The following SPAG16 variants were observed in gnomAD, a reference collection of about 807,000 sequenced individuals.
The protein encoded by SPAG16 is sperm-associated antigen 16 protein.
Under a neutral mutation model 80.4 loss-of-function variants are expected in SPAG16, and 86 were observed. That is an observed-to-expected ratio of 1.07 (90% CI 0.90 to 1.28). The LOEUF is 1.28. Among genes scored for constraint, SPAG16 ranks in the 50% most tolerant of loss-of-function variants. The pLI, the probability that SPAG16 is intolerant of heterozygous loss-of-function variation, is 0.00. For missense variants in SPAG16, 870 were observed against 765.3 expected (o/e 1.14, Z -1.61); for synonymous variants, 294 against 265.9 (o/e 1.11, Z -1.03).
intron 13 of SPAG16, among the ~76,000 whole-genome samples, chr2:214,077,189 C>A (rs1427117831): frequency 6.6e-6 from 1 of 152,170 alleles, no homozygotes; most frequent in Non-Finnish European, 1.5e-5. Context: ...CAGGCAACCA[C>A]AACCTCCGGG....
chr2:213,933,847 G>A (rs1254080119), intron 12 of SPAG16, among the ~76,000 whole-genome samples: 1 of 152,192 alleles, frequency 6.6e-6, no homozygotes, highest in Non-Finnish European at 1.5e-5. Flanking sequence ...GCGTTGCCTG[G>A]AAGCAACTAT....
At chr2:213,738,065 A>G (rs746932818) in intron 10 of SPAG16, among the ~76,000 whole-genome samples, 2 of 152,206 alleles carry the variant, frequency 1.3e-5, no homozygotes, top group Non-Finnish European at 2.9e-5. Flanking sequence ...AAACTTTAGC[A>G]TTCAAATAAT....
At chr2:213,528,851 C>T (rs1559223892) in intron 10 of SPAG16, among the ~76,000 whole-genome samples, 1 of 152,130 alleles carries the variant, frequency 6.6e-6, no homozygotes. Flanking sequence ...GAATTCAAAG[C>T]CATCCTGGGC....
chr2:213,506,711 C>T (rs1052356650), intron 10 of SPAG16, among the ~76,000 whole-genome samples: 1 of 152,008 alleles, frequency 6.6e-6, no homozygotes, highest in Non-Finnish European at 1.5e-5. Flanking sequence ...TTGCGAGTGA[C>T]TGAAAATGCA....
intron 10 of SPAG16, among the ~76,000 whole-genome samples, chr2:213,798,396 G>A (rs1341559095): frequency 6.6e-6 from 1 of 151,710 alleles, no homozygotes. Flanking sequence ...TGGGATTACA[G>A]GTGCCCATCA....
chr2:214,094,193 A>T (rs1007218549), intron 13 of SPAG16, among the ~76,000 whole-genome samples: 1 of 152,124 alleles, frequency 6.6e-6, no homozygotes, highest in Non-Finnish European at 1.5e-5. Flanking sequence ...GCAGTTTGCA[A>T]ATGCTACAAA....
intron 9 of SPAG16, among the ~76,000 whole-genome samples, chr2:213,425,600 C>T (rs920919764): frequency 1.0e-4 from 15 of 144,228 alleles, no homozygotes; most frequent in Admixed American, 1.5e-4. Context: ...TGCAGTGAGC[C>T]GAGATGGCGC....
intron 15 of SPAG16, among the ~76,000 whole-genome samples, chr2:214,258,471 G>GTATATATATATATACATATATA (rs1553539131): frequency 4.2e-5 from 6 of 141,416 alleles, no homozygotes; most frequent in Non-Finnish European, 9.1e-5. Flanking sequence ...ATGTGTGTGT[G>GTATATATATATATACATATATA]TATATATATA....
chr2:213,952,333 CAAG>C (rs1214878109), intron 12 of SPAG16, among the ~76,000 whole-genome samples: 2 of 151,868 alleles, frequency 1.3e-5, no homozygotes, highest in Non-Finnish European at 2.9e-5. Flanking sequence ...CTTCAGAAAA[CAAG>C]GAGACGTTTA....
At chr2:214,153,024 G>A (rs909775368) in intron 15 of SPAG16, among the ~76,000 whole-genome samples, 5 of 152,062 alleles carry the variant, frequency 3.3e-5, no homozygotes, top group Admixed American at 1.3e-4. Flanking sequence ...GGATAACTGC[G>A]GGCAAGCCTG....
intron 10 of SPAG16, among the ~76,000 whole-genome samples, chr2:213,636,654 T>C (rs2062375559): frequency 1.3e-5 from 2 of 152,322 alleles, no homozygotes; most frequent in South Asian, 2.1e-4. Context: ...TAGTTCTCCT[T>C]GTACAGATCT....
intron 11 of SPAG16, among the ~76,000 whole-genome samples, chr2:213,897,312 T>C (rs6733286): frequency 0.59 from 89,649 of 151,926 alleles, 28,257 homozygotes; most frequent in South Asian, 0.84. Flanking sequence ...TTTTGGAATA[T>C]CAATACCCCT....
intron 10 of SPAG16, among the ~76,000 whole-genome samples, chr2:213,779,131 T>C (rs1412101188): frequency 6.6e-6 from 1 of 152,206 alleles, no homozygotes; most frequent in African/African-American, 2.4e-5. Context: ...GATGTATTCT[T>C]TCCTACTTAA....
intron 15 of SPAG16, among the ~76,000 whole-genome samples, chr2:214,337,933 T>G (rs1697409499): frequency 6.6e-6 from 1 of 152,298 alleles, no homozygotes; most frequent in South Asian, 2.1e-4. Flanking sequence ...GCAAAGAACT[T>G]GGATTCCTGC....
At chr2:213,957,143 T>A (rs545383571) in intron 12 of SPAG16, among the ~76,000 whole-genome samples, 33 of 152,144 alleles carry the variant, frequency 2.2e-4, no homozygotes, top group African/African-American at 7.7e-4. Flanking sequence ...TCAAGTTGCT[T>A]TATTATGATG....
intron 1 of SPAG16, among the ~76,000 whole-genome samples, chr2:213,291,851 G>A (rs922814127): frequency 6.6e-6 from 1 of 152,134 alleles, no homozygotes; most frequent in African/African-American, 2.4e-5. Flanking sequence ...ATTTAGAGAT[G>A]GGTATATCTG....
intron 13 of SPAG16, among the ~76,000 whole-genome samples, chr2:214,066,685 A>T (rs1010222336): frequency 4.6e-5 from 7 of 152,148 alleles, no homozygotes; most frequent in Non-Finnish European, 1.0e-4. Flanking sequence ...ATAAACTCAA[A>T]AACTACAATA....
At chr2:213,913,272 A>G (rs1391222949) in intron 11 of SPAG16, among the ~76,000 whole-genome samples, 1 of 152,054 alleles carries the variant, frequency 6.6e-6, no homozygotes, top group African/African-American at 2.4e-5. Context: ...CATATTATTT[A>G]TCCATGTTTG....
At chr2:213,352,142 C>G (rs2065365440) in intron 7 of SPAG16, among the ~76,000 whole-genome samples, 1 of 151,360 alleles carries the variant, frequency 6.6e-6, no homozygotes, top group South Asian at 2.1e-4. Flanking sequence ...GAACTTGAGC[C>G]AATTAAACCT....
Sources: gnomAD v4.1 joint callset for allele counts (sites outside exome capture counted in the v4.1 genomes callset) on GRCh38, gnomAD v4.1.1 for gene constraint, MANE v1.5 for transcripts, NCBI Gene and HGNC (gene_info 2026-07-23, HGNC 2026-07-21) for gene names.